ANAPC4: variants seen among roughly 807,000 people sequenced by gnomAD.
ANAPC4 encodes anaphase promoting complex subunit 4, also known as anaphase-promoting complex subunit 4.
ANAPC4 carries 63 observed loss-of-function variants against 119.8 expected under a neutral mutation model. That is an observed-to-expected ratio of 0.53 (90% CI 0.43 to 0.65). The LOEUF (loss-of-function observed/expected upper bound fraction) is 0.65, where lower values mean the gene tolerates loss of function less well. Among genes scored for constraint, ANAPC4 ranks in the 30% least tolerant of loss-of-function variants. The pLI, the probability that ANAPC4 is intolerant of heterozygous loss-of-function variation, is 0.00. For missense variants in ANAPC4, 716 were observed against 945.1 expected, an observed-to-expected ratio of 0.76 and a Z score of 3.18; for synonymous variants, 283 against 318.6, an observed-to-expected ratio of 0.89 and a Z score of 1.19.
intron 16 of ANAPC4, among the ~76,000 whole-genome samples, chr4:25,400,673 G>C (rs1347498587): frequency 6.6e-6 from 1 of 152,192 alleles, no homozygotes; most frequent in African/African-American, 2.4e-5. Context: ...CAGACTTCAT[G>C]AGTAAAATGA....
At chr4:25,406,749 C>T in intron 18 of ANAPC4, 80 bp from the exon 19 acceptor site, 4 of 1,088,380 alleles carry the variant, frequency 3.7e-6, no homozygotes, top group Non-Finnish European at 4.0e-6. Flanking sequence ...AAAAATGTCA[C>T]ATTTATAATT....
chr4:25,418,046 A>G, intron 28 of ANAPC4, 109 bp from the exon 29 acceptor site: 1 of 1,096,532 alleles, frequency 9.1e-7, no homozygotes, highest in Non-Finnish European at 1.3e-6. Context: ...ATTGATGGGA[A>G]TATAACTTTC....
intron 14 of ANAPC4, among the ~76,000 whole-genome samples, 172 bp from the exon 15 acceptor site, chr4:25,396,492 C>G (rs1015867746): frequency 1.3e-5 from 2 of 152,146 alleles, no homozygotes; most frequent in Non-Finnish European, 2.9e-5. Context: ...GTCACATTGA[C>G]CAGATGGTTC....
intron 9 of ANAPC4, 62 bp downstream of exon 9, chr4:25,391,077 T>A: frequency 3.2e-6 from 4 of 1,248,070 alleles, no homozygotes; most frequent in Non-Finnish European, 4.6e-6. Flanking sequence ...TTTATATAGG[T>A]TTTTATCCAC....
chr4:25,383,065 A>G (rs1269087466), intron 3 of ANAPC4, among the ~76,000 whole-genome samples, 196 bp from the exon 4 acceptor site: 1 of 152,236 alleles, frequency 6.6e-6, no homozygotes, highest in Non-Finnish European at 1.5e-5. Context: ...GCACTTGAAA[A>G]TAAGCTTAGT....
Position 25,377,311 on chromosome 4 carries a change from G to A in ANAPC4, c.-44G>A. On this transcript the variant is annotated 5_prime_UTR_variant, in exon 1 of 29. Coordinates refer to ENST00000315368, the MANE Select transcript of ANAPC4 (RefSeq NM_013367.3). ...GCAGAGGGAGGGGAGAGGCCACTGG[G>A]GCCGTGTTAGTCTGCCGGTGGGGAC... is the stretch of plus-strand genomic sequence containing the variant. The A allele has an allele frequency of 7.1e-7, 1 of 1,404,386 alleles. No individual in the cohort carries two copies. The highest frequency in any genetic ancestry group is 9.6e-7 in the Non-Finnish European group (1 of 1,047,116). The allele number at this position is 1,404,386 out of a possible 1,614,324, so 87.0% of individuals were successfully genotyped here. A position where few individuals can be genotyped will look rare whatever the true frequency, so the allele number is the denominator to read the frequency against.
chr4:25,396,315 G>A (rs1043582973), intron 14 of ANAPC4, among the ~76,000 whole-genome samples: 3 of 152,152 alleles, frequency 2.0e-5, no homozygotes, highest in Admixed American at 2.0e-4. Context: ...ATATAGCACG[G>A]TACCTGACCC....
chr4:25,404,647 G>T (rs141058977), intron 17 of ANAPC4, among the ~76,000 whole-genome samples: 3 of 151,994 alleles, frequency 2.0e-5, no homozygotes, highest in East Asian at 3.9e-4. Flanking sequence ...CTTACCGCTC[G>T]GTCCTTCTCA....
intron 25 of ANAPC4, 26 bp downstream of exon 25, chr4:25,414,726 CAA>C (rs763076647): frequency 2.1e-6 from 3 of 1,459,254 alleles, no homozygotes; most frequent in African/African-American, 2.9e-5. Flanking sequence ...AAGTTTGAAT[CAA>C]AGAGATAAGA....
intron 2 of ANAPC4, among the ~76,000 whole-genome samples, chr4:25,378,886 A>G (rs1446729873): frequency 1.3e-5 from 2 of 152,192 alleles, no homozygotes; most frequent in Non-Finnish European, 2.9e-5. Flanking sequence ...TCGTTTTGCA[A>G]GTATGACAAA....
chr4:25,385,181 C>G (rs983987017), intron 4 of ANAPC4, among the ~76,000 whole-genome samples: 5 of 152,194 alleles, frequency 3.3e-5, no homozygotes, highest in African/African-American at 1.2e-4. Flanking sequence ...AGAGAATCAG[C>G]TTATCCTTTG....
chr4:25,391,648 A>G (rs1211304127), intron 9 of ANAPC4, among the ~76,000 whole-genome samples: 1 of 152,232 alleles, frequency 6.6e-6, no homozygotes, highest in Non-Finnish European at 1.5e-5. Context: ...GAGTATTTAG[A>G]TCATAGCCTT....
intron 22 of ANAPC4, 93 bp from the exon 23 acceptor site, chr4:25,414,231 C>A: frequency 2.3e-6 from 2 of 877,948 alleles, no homozygotes; most frequent in East Asian, 2.9e-5. Context: ...GATTTTTTTA[C>A]CACATTCGAA....
chr4:25,390,027 C>A, intron 7 of ANAPC4, 109 bp from the exon 8 acceptor site: 1 of 688,746 alleles, frequency 1.5e-6, no homozygotes, highest in Non-Finnish European at 2.4e-6. Context: ...TGCAGGGGAG[C>A]TTTAGCATGT....
chr4:25,413,724 G>T lies in ANAPC4; in HGVS notation c.1605G>T (p.Gln535His), dbSNP rs762398520. 6 of 1,612,720 alleles carry T rather than the reference G, an allele frequency of 3.7e-6. No individual in the cohort carries two copies. Among genetic ancestry groups the T allele is most frequent in the Non-Finnish European group, 4.2e-6 (5 of 1,179,334 alleles). The stretch of plus-strand genomic sequence containing the variant: ...GGCGGATGGAGAATATTATTGATCA[G>T]TGTTTGCAAAAGCCAGCAGTAAGTT... ...VKRRMENIID[Q>H]CLQKPADVIG... is the part of the protein sequence containing the mutation. The change falls in exon 22 of 29, where the codon CAG becomes CAT. Residue 535 changes from glutamine to histidine, a missense_variant. Gln to His is a conservative substitution (Grantham distance 24). Coordinates refer to ENST00000315368, the MANE Select transcript of ANAPC4 (RefSeq NM_013367.3).
chr4:25,417,379 G>A (rs917978478), intron 27 of ANAPC4: 8 of 281,496 alleles, frequency 2.8e-5, no homozygotes, highest in East Asian at 7.0e-5. Context: ...CCTTGGCCTC[G>A]CAAAGTGCTG....
Position 25,383,153 on chromosome 4 carries a change from C to A in ANAPC4, c.236-108C>A, listed in dbSNP as rs1721838337. ...GAAGGATGTTTAGGTCAAAAATTGC[C>A]ATGATGAAGATGCACTTAAAAGAGT... On this transcript the variant is annotated intron_variant, in intron 3 of 28. Coordinates refer to ENST00000315368, the MANE Select transcript of ANAPC4 (RefSeq NM_013367.3). The A allele has an allele frequency of 4.8e-6, 5 of 1,046,810 alleles. No individual in the cohort carries two copies. The African/African-American group carries it at 6.5e-5, about 14-fold the overall frequency. The allele number at this position is 1,046,810 out of a possible 1,614,324, so 64.8% of individuals were successfully genotyped here.
At position 25,409,789 on chromosome 4, in the gene ANAPC4, A is replaced by G; in HGVS notation, c.1523A>G (p.Lys508Arg). The G allele has an allele frequency of 6.2e-7, 1 of 1,612,402 alleles. No homozygotes were observed. Among genetic ancestry groups the G allele is most frequent in the Non-Finnish European group, 8.5e-7 (1 of 1,178,770 alleles). Residue 508 changes from lysine (K) to arginine (R), a missense_variant and splice_region_variant, in exon 21 of 29, where the codon AAA (lysine) becomes AGA (arginine). Physicochemically the swap from Lys to Arg is conservative, Grantham distance 26. Transcript: ENST00000315368. ...YDFLQNSSHL[K>R]ESPLLFPYYP... ...TTTCTTCAAAATAGCAGCCACCTTA[A>G]AGGTACTTCATGAACCAACCAGATT...
intron 9 of ANAPC4, among the ~76,000 whole-genome samples, chr4:25,392,081 T>C (rs1722378003): frequency 6.6e-6 from 1 of 152,236 alleles, no homozygotes; most frequent in African/African-American, 2.4e-5. Flanking sequence ...TTCTTTGTAA[T>C]ACTGTTTCAA....
Sources: gnomAD v4.1 joint callset for allele counts (sites outside exome capture counted in the v4.1 genomes callset) on GRCh38, gnomAD v4.1.1 for gene constraint, MANE v1.5 for transcripts, NCBI Gene and HGNC (gene_info 2026-07-23, HGNC 2026-07-21) for gene names.